Variants in EIPR1 observed in about 807,000 individuals in gnomAD.
EIPR1 encodes EARP and GARP complex-interacting protein 1.
A neutral mutation model predicts 48.1 loss-of-function variants in EIPR1; 25 were observed. That is an observed-to-expected ratio of 0.52 (90% CI 0.38 to 0.73). The LOEUF is 0.73. Among genes scored for constraint, EIPR1 ranks in the 30% least tolerant of loss-of-function variants. The pLI is 0.00. For synonymous variants in EIPR1, 204 were observed against 201.9 expected, an observed-to-expected ratio of 1.01 and a Z score of -0.09; for missense variants, 415 against 506.2, an observed-to-expected ratio of 0.82 and a Z score of 1.73.
At chr2:3,369,433 A>G (rs10210065) in intron 1 of EIPR1, among the ~76,000 whole-genome samples, 74,579 of 152,136 alleles carry the variant, frequency 0.49, 19,763 homozygotes, top group Admixed American at 0.6. Flanking sequence ...AGGGCGAGGC[A>G]TTGCCTCACT....
intron 2 of EIPR1, among the ~76,000 whole-genome samples, chr2:3,345,826 T>C (rs945192462): frequency 2.6e-5 from 4 of 152,000 alleles, no homozygotes; most frequent in African/African-American, 9.7e-5. Flanking sequence ...GCACCACGCT[T>C]ATCTTTCCCT....
chr2:3,197,021 G>C lies in EIPR1; in HGVS notation c.517-4C>G, dbSNP rs961433016. On this transcript the variant is annotated splice_region_variant and splice_polypyrimidine_tract_variant and intron_variant, in intron 5 of 8. Coordinates refer to ENST00000382125, the MANE Select transcript of EIPR1 (RefSeq NM_003310.5). ...CCAGGGACGCTGAGCTGGCCAGCTG[G>C]GAGTGTCACGATGTTTTCCAAAGGA... 6.2e-7 allele frequency: 1 copy of C among 1,613,202 alleles called. No homozygotes were observed. Among genetic ancestry groups the C allele is most frequent in the African/African-American group, 1.3e-5 (1 of 74,914 alleles).
At chr2:3,356,730 C>A (rs949922395) in intron 1 of EIPR1, among the ~76,000 whole-genome samples, 2 of 152,158 alleles carry the variant, frequency 1.3e-5, no homozygotes, top group Non-Finnish European at 2.9e-5. Flanking sequence ...GAAAACCTTC[C>A]CTGGCTGTAG....
chr2:3,202,645 C>T (rs1177063620), intron 5 of EIPR1, among the ~76,000 whole-genome samples: 1 of 152,174 alleles, frequency 6.6e-6, no homozygotes, highest in Non-Finnish European at 1.5e-5. Context: ...AAGGGGAAGG[C>T]CCGAAATCTT....
At chr2:3,353,406 T>C (rs556783890) in intron 2 of EIPR1, 14 of 432,478 alleles carry the variant, frequency 3.2e-5, no homozygotes, top group South Asian at 2.1e-4. Context: ...TCCCACCAAA[T>C]CATCTAACGA....
intron 4 of EIPR1, among the ~76,000 whole-genome samples, chr2:3,233,331 T>C (rs1226488447): frequency 6.6e-6 from 1 of 152,240 alleles, no homozygotes; most frequent in Non-Finnish European, 1.5e-5. Flanking sequence ...CCAATTCCCA[T>C]GTATGCCACT....
chr2:3,295,749 C>G (rs1222417519), intron 3 of EIPR1, among the ~76,000 whole-genome samples: 6 of 134,106 alleles, frequency 4.5e-5, no homozygotes, highest in Non-Finnish European at 3.2e-5. Context: ...CACCCTCCAT[C>G]CAGCCCGTCC....
At chr2:3,318,887 G>A (rs1383389417) in intron 3 of EIPR1, 2 of 471,228 alleles carry the variant, frequency 4.2e-6, no homozygotes, top group African/African-American at 2.0e-5. Flanking sequence ...AAGACCTGGT[G>A]CAACGTGTTT....
intron 3 of EIPR1, among the ~76,000 whole-genome samples, chr2:3,308,388 T>TA (rs1317189179): frequency 6.6e-6 from 1 of 151,476 alleles, no homozygotes; most frequent in African/African-American, 2.4e-5. Flanking sequence ...ATGAAAGATA[T>TA]AAAAAAGAAC....
chr2:3,335,073 C>A (rs979271567), intron 3 of EIPR1, among the ~76,000 whole-genome samples: 44 of 152,208 alleles, frequency 2.9e-4, no homozygotes, highest in African/African-American at 9.2e-4. Flanking sequence ...GTGGTCCCAG[C>A]GGACAGCCAG....
intron 3 of EIPR1, among the ~76,000 whole-genome samples, chr2:3,297,510 C>T (rs769797726): frequency 2.0e-5 from 3 of 152,212 alleles, no homozygotes; most frequent in Non-Finnish European, 4.4e-5. Context: ...AGTTGAGCTA[C>T]GAGGTTCTAC....
rs546235298 is a variant in EIPR1 at position 3,355,646 on chromosome 2, T to C, written c.43-1013A>G. 3.8e-3 allele frequency among the ~76,000 whole-genome samples: 561 copies of C among 147,866 alleles called. 2 individuals are homozygous for C. The highest frequency in any genetic ancestry group is 0.013 in the African/African-American group (535 of 40,738). Reference sequence around the variant, plus strand: ...GGGCAATATAGCAAGACTCTATCTCTGCAAAATAAATTGTAAAAATCATCT... The same window carrying C: ...GGGCAATATAGCAAGACTCTATCTCCGCAAAATAAATTGTAAAAATCATCT... On this transcript the variant is annotated intron_variant, in intron 1 of 8. Coordinates refer to ENST00000382125, the MANE Select transcript of EIPR1 (RefSeq NM_003310.5).
chr2:3,192,283 C>T, intron 8 of EIPR1, 131 bp downstream of exon 8: 2 of 1,117,806 alleles, frequency 1.8e-6, no homozygotes, highest in East Asian at 2.9e-5. Context: ...CCCACAGCTG[C>T]AGTGGGTAAG....
At chr2:3,214,468 A>G in intron 4 of EIPR1, 1 of 443,014 alleles carries the variant, frequency 2.3e-6, no homozygotes, top group Non-Finnish European at 4.1e-6. Context: ...TCATGTGTGG[A>G]AGTCCTAGCC....
chr2:3,302,519 G>A (rs938647755), intron 3 of EIPR1, among the ~76,000 whole-genome samples: 1 of 152,166 alleles, frequency 6.6e-6, no homozygotes, highest in Non-Finnish European at 1.5e-5. Flanking sequence ...TTTTCTGTTG[G>A]CTGCTTCTCC....
At chr2:3,333,652 G>A (rs879309056) in intron 3 of EIPR1, among the ~76,000 whole-genome samples, 1 of 151,328 alleles carries the variant, frequency 6.6e-6, no homozygotes, top group Admixed American at 6.6e-5. Flanking sequence ...GAGATGGGAG[G>A]ATTGCTTGAG....
At chr2:3,342,534 C>G (rs776622551) in intron 2 of EIPR1, among the ~76,000 whole-genome samples, 14 of 152,256 alleles carry the variant, frequency 9.2e-5, no homozygotes, top group Admixed American at 9.2e-4. Context: ...GCTGGCCCCT[C>G]GGCCTGGCTG....
intron 2 of EIPR1, among the ~76,000 whole-genome samples, chr2:3,345,839 A>G (rs1265953510): frequency 6.6e-6 from 1 of 152,034 alleles, no homozygotes; most frequent in Non-Finnish European, 1.5e-5. Flanking sequence ...CTTTCCCTAG[A>G]TCTAGCTTGG....
At chr2:3,194,628 A>T (rs73129596) in intron 6 of EIPR1, among the ~76,000 whole-genome samples, 3,464 of 152,018 alleles carry the variant, frequency 0.023, 114 homozygotes, top group African/African-American at 0.071. Context: ...ATATATATAC[A>T]TACATACACA....
Sources: gnomAD v4.1 joint callset for allele counts (sites outside exome capture counted in the v4.1 genomes callset) on GRCh38, gnomAD v4.1.1 for gene constraint, MANE v1.5 for transcripts, NCBI Gene and HGNC (gene_info 2026-07-23, HGNC 2026-07-21) for gene names.